The following GPC5 variants were observed in gnomAD, a reference collection of about 807,000 sequenced individuals.
GPC5 encodes glypican-5.
In GPC5, 47 loss-of-function variants were observed where a neutral mutation model predicts 53.9. The ratio of observed to expected loss-of-function variants is 0.87; its 90% CI spans 0.69 to 1.11. The LOEUF (loss-of-function observed/expected upper bound fraction) is 1.11, where lower values mean the gene tolerates loss of function less well. GPC5 is among the 50% of genes most tolerant of loss of function. The pLI is 0.00. For missense variants in GPC5, 748 were observed against 713.1 expected (o/e 1.05, Z -0.56); for synonymous variants, 286 against 263.3 (o/e 1.09, Z -0.84).
chr13:91,474,203 TC>T (rs1296800449), intron 2 of GPC5, among the ~76,000 whole-genome samples: 7 of 152,172 alleles, frequency 4.6e-5, no homozygotes, highest in Non-Finnish European at 1.0e-4. Flanking sequence ...GCTTTGTAAA[TC>T]TATTTTATTC....
At chr13:92,356,238 G>T (rs1394695666) in intron 7 of GPC5, among the ~76,000 whole-genome samples, 1 of 152,184 alleles carries the variant, frequency 6.6e-6, no homozygotes, top group African/African-American at 2.4e-5. Context: ...ATAGCAAGGT[G>T]TCCAGGGTGG....
intron 7 of GPC5, among the ~76,000 whole-genome samples, chr13:92,201,075 A>C (rs9523535): frequency 6.6e-6 from 1 of 151,946 alleles, no homozygotes; most frequent in Non-Finnish European, 1.5e-5. Flanking sequence ...ATCATTAAGG[A>C]TATACTGAAC....
chr13:92,019,264 A>T, intron 6 of GPC5, among the ~76,000 whole-genome samples: 1 of 37,088 alleles, frequency 2.7e-5, no homozygotes, highest in South Asian at 4.7e-3. Context: ...GCATAAGTAT[A>T]TAAGCATACT....
At chr13:92,459,816 T>G (rs1244850123) in intron 7 of GPC5, among the ~76,000 whole-genome samples, 1 of 152,168 alleles carries the variant, frequency 6.6e-6, no homozygotes, top group East Asian at 1.9e-4. Context: ...TTTTTCAGCT[T>G]GTCTCTCTAG....
At chr13:92,700,833 CA>C (rs1043688495) in intron 7 of GPC5, among the ~76,000 whole-genome samples, 1 of 151,972 alleles carries the variant, frequency 6.6e-6, no homozygotes, top group African/African-American at 2.4e-5. Flanking sequence ...CTGATACATA[CA>C]AAAAAGGGAA....
At chr13:92,706,955 A>T (rs1887973003) in intron 7 of GPC5, among the ~76,000 whole-genome samples, 1 of 152,174 alleles carries the variant, frequency 6.6e-6, no homozygotes, top group African/African-American at 2.4e-5. Flanking sequence ...TAATGCCCTT[A>T]TAAAAAGATG....
chr13:92,138,980 T>A (rs2041807763), intron 6 of GPC5, among the ~76,000 whole-genome samples: 1 of 152,214 alleles, frequency 6.6e-6, no homozygotes, highest in Admixed American at 6.5e-5. Context: ...TATTCCAGAT[T>A]TATAATGAAG....
intron 2 of GPC5, among the ~76,000 whole-genome samples, chr13:91,676,038 C>T (rs569327553): frequency 1.3e-5 from 2 of 152,220 alleles, no homozygotes; most frequent in East Asian, 3.9e-4. Context: ...AACTCTTTGC[C>T]ATAGATCATG....
chr13:92,463,652 G>A (rs1878580649), intron 7 of GPC5, among the ~76,000 whole-genome samples: 1 of 151,998 alleles, frequency 6.6e-6, no homozygotes, highest in Non-Finnish European at 1.5e-5. Context: ...AAGATACTGT[G>A]TAATTCTTCC....
chr13:91,850,866 G>A (rs1030192872), intron 5 of GPC5, among the ~76,000 whole-genome samples: 1 of 151,972 alleles, frequency 6.6e-6, no homozygotes, highest in Non-Finnish European at 1.5e-5. Flanking sequence ...TTTGTTTGGG[G>A]CTCTATCCTT....
chr13:92,414,570 C>T (rs955491660), intron 7 of GPC5, among the ~76,000 whole-genome samples: 1 of 150,910 alleles, frequency 6.6e-6, no homozygotes, highest in Admixed American at 6.6e-5. Flanking sequence ...GAGTATATAA[C>T]AGGGAATTGA....
intron 3 of GPC5, among the ~76,000 whole-genome samples, chr13:91,718,106 T>C (rs1422009241): frequency 6.6e-6 from 1 of 151,768 alleles, no homozygotes; most frequent in Non-Finnish European, 1.5e-5. Flanking sequence ...ATCTTTGTTG[T>C]TGTTGTTGTT....
intron 7 of GPC5, among the ~76,000 whole-genome samples, chr13:92,346,312 CT>C (rs2043411882): frequency 6.6e-6 from 1 of 152,170 alleles, no homozygotes; most frequent in Admixed American, 6.5e-5. Context: ...GTAGAATTTC[CT>C]GGCCAGGAAA....
intron 6 of GPC5, among the ~76,000 whole-genome samples, chr13:91,990,383 C>T (rs954526912): frequency 5.3e-5 from 8 of 152,042 alleles, no homozygotes; most frequent in African/African-American, 1.7e-4. Flanking sequence ...TCAGTTTTCT[C>T]GTTGGTACAG....
chr13:91,980,598 C>T (rs182726890), intron 6 of GPC5, among the ~76,000 whole-genome samples: 1 of 145,214 alleles, frequency 6.9e-6, no homozygotes, highest in African/African-American at 2.9e-5. Flanking sequence ...ACCTATCCCT[C>T]GATGTCCGAT....
chr13:92,521,552 G>A (rs1881049031), intron 7 of GPC5, among the ~76,000 whole-genome samples: 1 of 152,186 alleles, frequency 6.6e-6, no homozygotes, highest in Non-Finnish European at 1.5e-5. Flanking sequence ...AATAAATGGT[G>A]CTGGGAAAAC....
chr13:92,477,089 T>G (rs907539997), intron 7 of GPC5, among the ~76,000 whole-genome samples: 2 of 151,358 alleles, frequency 1.3e-5, no homozygotes, highest in African/African-American at 4.9e-5. Context: ...AAAAAGAAAA[T>G]AAACAGTTGA....
chr13:91,556,527 T>C (rs1462849868), intron 2 of GPC5, among the ~76,000 whole-genome samples: 1 of 151,092 alleles, frequency 6.6e-6, no homozygotes, highest in African/African-American at 2.4e-5. Flanking sequence ...TATGTGTATA[T>C]ATATATATAT....
intron 2 of GPC5, among the ~76,000 whole-genome samples, chr13:91,518,322 T>C (rs1330136325): frequency 2.0e-5 from 3 of 152,108 alleles, no homozygotes; most frequent in Admixed American, 1.3e-4. Flanking sequence ...GATCACATCA[T>C]TGCGTTCCAG....
Sources: allele counts gnomAD v4.1 joint callset (sites outside exome capture counted in the v4.1 genomes callset), GRCh38; gene constraint gnomAD v4.1.1; transcripts MANE v1.5; gene names NCBI Gene and HGNC (gene_info 2026-07-23, HGNC 2026-07-21).